Variants in RPGRIP1 observed in about 807,000 individuals in gnomAD.
RPGRIP1 encodes X-linked retinitis pigmentosa GTPase regulator-interacting protein 1.
Under a neutral mutation model 157.9 loss-of-function variants are expected in RPGRIP1, and 128 were observed. That is an observed-to-expected ratio of 0.81 (90% CI 0.70 to 0.94). The LOEUF (loss-of-function observed/expected upper bound fraction) is 0.94, where lower values mean the gene tolerates loss of function less well. Ranked by LOEUF, RPGRIP1 falls within the 40% of genes least tolerant of loss-of-function variation. The pLI is 0.00. For synonymous variants in RPGRIP1, 554 were observed against 571.6 expected (o/e 0.97, Z 0.44); for missense variants, 1,486 against 1,545.8 (o/e 0.96, Z 0.65).
chr14:21,324,599 A>G lies in RPGRIP1; in HGVS notation c.1763-19A>G. 6.2e-7 allele frequency: 1 copy of G among 1,603,720 alleles called. No homozygotes were observed. Among genetic ancestry groups the G allele is most frequent in the Non-Finnish European group, 8.5e-7 (1 of 1,173,570 alleles). On this transcript the variant is annotated intron_variant, in intron 14 of 24. Transcript: ENST00000400017. The stretch of plus-strand genomic sequence containing the variant: ...GCTCCCTACCCTTTAACGGATAGGC[A>G]GCTTTCTTTCCCCTCTAGAACAGCT...
chr14:21,348,251 C>A lies in RPGRIP1; in HGVS notation c.3697C>A (p.Leu1233Met). ...CEEVGYAYLQ[L>M]WQILESGRDI... ...AGAAGTGGGATATGCATATCTTCAA[C>A]TGTGGCAGATCCTGGAGTCAGGAAG... Residue 1233 changes from leucine (L) to methionine (M), a missense_variant, in exon 24 of 25, where the codon CTG becomes ATG. Physicochemically the swap from Leu to Met is conservative, Grantham distance 15. Transcript: ENST00000400017. The A allele has an allele frequency of 6.3e-7, 1 of 1,591,634 alleles. No individual in the cohort carries two copies. Among genetic ancestry groups the A allele is most frequent in the Non-Finnish European group, 8.6e-7 (1 of 1,168,164 alleles).
At chr14:21,304,806 CT>C (rs879415682) in intron 6 of RPGRIP1, among the ~76,000 whole-genome samples, 326 of 143,626 alleles carry the variant, frequency 2.3e-3, no homozygotes, top group Admixed American at 2.6e-3. Context: ...GTTGTACATT[CT>C]TTTTTTTTTT....
At chr14:21,301,359 C>A in intron 4 of RPGRIP1, 122 bp downstream of exon 4, 1 of 1,044,222 alleles carries the variant, frequency 9.6e-7, no homozygotes, top group Non-Finnish European at 1.4e-6. Context: ...GTTCTCACTC[C>A]CTCCTTTCTG....
intron 7 of RPGRIP1, among the ~76,000 whole-genome samples, chr14:21,309,054 C>G (rs1881438115): frequency 6.6e-6 from 1 of 152,162 alleles, no homozygotes; most frequent in African/African-American, 2.4e-5. Context: ...CCTGTATTTG[C>G]ATATCAAAGG....
In RPGRIP1 at chr14:21,298,360, C is replaced by T. The variant is rs549538409; in HGVS notation, c.219-2606C>T. Among the ~76,000 whole-genome samples, 161 of 151,750 alleles carry T rather than the reference C, an allele frequency of 1.1e-3. 1 individual carries two copies. Among genetic ancestry groups the T allele is most frequent in the Non-Finnish European group, 1.9e-3 (126 of 67,964 alleles). ...TCTAAAAATACAAAGATTATCCGGG[C>T]GTGGTGGCAGGCGCCTATAATCCCA... On this transcript the variant is annotated intron_variant, in intron 3 of 24. Transcript: ENST00000400017.
chr14:21,291,380 C>T (rs1187368867), intron 2 of RPGRIP1, among the ~76,000 whole-genome samples: 1 of 152,016 alleles, frequency 6.6e-6, no homozygotes, highest in East Asian at 1.9e-4. Flanking sequence ...CCTGGAGTTC[C>T]AGTCAGTTTG....
chr14:21,312,848 T>G (rs1881597730), intron 10 of RPGRIP1, among the ~76,000 whole-genome samples: 1 of 151,990 alleles, frequency 6.6e-6, no homozygotes, highest in Non-Finnish European at 1.5e-5. Context: ...CTTTTTTCTT[T>G]TTTTGAGATG....
chr14:21,316,105 G>A (rs1881791754), intron 10 of RPGRIP1, among the ~76,000 whole-genome samples: 1 of 151,372 alleles, frequency 6.6e-6, no homozygotes, highest in South Asian at 2.1e-4. Flanking sequence ...AGCCTCCTGA[G>A]TAGCTGGGAT....
intron 10 of RPGRIP1, among the ~76,000 whole-genome samples, chr14:21,313,184 T>G (rs4468516): frequency 0.23 from 35,143 of 151,592 alleles, 4,330 homozygotes; most frequent in Admixed American, 0.34. Context: ...AAAATTCTCT[T>G]GTGTATGTGC....
At chr14:21,318,391 C>T (rs1235596758) in intron 11 of RPGRIP1, among the ~76,000 whole-genome samples, 1 of 150,514 alleles carries the variant, frequency 6.6e-6, no homozygotes. Flanking sequence ...GGATTACAGG[C>T]GTGCGCCACT....
Position 21,294,666 on chromosome 14 carries a change from T to C in RPGRIP1, c.86-11T>C. ...AAAATACTGTCCATTTACTGTTTTC[T>C]GGGACTTTAGGTAAGAATATGAAAA... is the stretch of plus-strand genomic sequence containing the variant. On this transcript the variant is annotated splice_polypyrimidine_tract_variant and intron_variant, in intron 2 of 24. Coordinates refer to ENST00000400017, the MANE Select transcript of RPGRIP1 (RefSeq NM_020366.4). The C allele has an allele frequency of 6.2e-7, 1 of 1,612,370 alleles. No individual in the cohort carries two copies. Among genetic ancestry groups the C allele is most frequent in the South Asian group, 1.1e-5 (1 of 90,846 alleles).
At chr14:21,290,428 C>T (rs1880476082) in intron 2 of RPGRIP1, among the ~76,000 whole-genome samples, 1 of 152,296 alleles carries the variant, frequency 6.6e-6, no homozygotes, top group Middle Eastern at 3.4e-3. Flanking sequence ...AATCCCATCA[C>T]CTTGGGAGGC....
In RPGRIP1 at chr14:21,343,180, C is replaced by T; in HGVS notation, c.3484C>T (p.Leu1162=). 6.2e-7 allele frequency: 1 copy of T among 1,613,394 alleles called. No individual in the cohort carries two copies. Among genetic ancestry groups the T allele is most frequent in the Non-Finnish European group, 8.5e-7 (1 of 1,179,670 alleles). The change falls in exon 22 of 25, where the codon CTA becomes TTA. Residue 1162 remains leucine (L), a synonymous_variant. Coordinates refer to ENST00000400017, the MANE Select transcript of RPGRIP1 (RefSeq NM_020366.4). ...PLSETETPVS[L]RKPRAGEEIH... Reference sequence around the variant, plus strand: ...GTCGGAGACAGAGACTCCAGTGTCCCTAAGGAAGCCTAGGGCAGGAGAAGA... The same window carrying T: ...GTCGGAGACAGAGACTCCAGTGTCCTTAAGGAAGCCTAGGGCAGGAGAAGA...
At chr14:21,280,493 G>C (rs960151939) in intron 1 of RPGRIP1, among the ~76,000 whole-genome samples, 13 of 151,952 alleles carry the variant, frequency 8.6e-5, no homozygotes, top group African/African-American at 3.1e-4. Context: ...TGATTCACCC[G>C]CCTCGGCCTC....
chr14:21,297,256 G>A (rs1880825817), intron 3 of RPGRIP1, among the ~76,000 whole-genome samples: 1 of 151,878 alleles, frequency 6.6e-6, no homozygotes, highest in Non-Finnish European at 1.5e-5. Context: ...CACCATGCCT[G>A]ACTAATTTTT....
At chr14:21,340,751 A>C (rs1053469352) in intron 21 of RPGRIP1, among the ~76,000 whole-genome samples, 9 of 152,216 alleles carry the variant, frequency 5.9e-5, no homozygotes, top group African/African-American at 2.2e-4. Context: ...TATGAGAAAT[A>C]CATTTCTGCA....
chr14:21,308,776 T>C (rs530476541), intron 7 of RPGRIP1, among the ~76,000 whole-genome samples: 3 of 152,292 alleles, frequency 2.0e-5, no homozygotes, highest in Admixed American at 1.3e-4. Flanking sequence ...CCGGGAAAAG[T>C]GGCTGCTTAT....
At chr14:21,288,180 C>A in intron 2 of RPGRIP1, 119 bp downstream of exon 2, 2 of 490,616 alleles carry the variant, frequency 4.1e-6, no homozygotes, top group South Asian at 2.4e-5. Flanking sequence ...AGTCTTCTCA[C>A]TTTTTTTTTT....
At chr14:21,320,373 T>C (rs1489284106) in intron 12 of RPGRIP1, among the ~76,000 whole-genome samples, 196 bp downstream of exon 12, 1 of 151,776 alleles carries the variant, frequency 6.6e-6, no homozygotes, top group Non-Finnish European at 1.5e-5. Flanking sequence ...CACTGCAGGC[T>C]CCGCCCCCTG....
Sources: gnomAD v4.1 joint callset for allele counts (sites outside exome capture counted in the v4.1 genomes callset) on GRCh38, gnomAD v4.1.1 for gene constraint, MANE v1.5 for transcripts, NCBI Gene and HGNC (gene_info 2026-07-23, HGNC 2026-07-21) for gene names.